The following FARP1 variants were observed in gnomAD, a reference collection of about 807,000 sequenced individuals.
FARP1 encodes the protein FERM, ARHGEF and pleckstrin domain-containing protein 1.
A neutral mutation model predicts 128.8 loss-of-function variants in FARP1; 52 were observed. The observed-to-expected ratio is 0.40, with a 90% CI of 0.32 to 0.51. The LOEUF is 0.51. FARP1 is among the 20% of genes least tolerant of loss of function. The pLI, the probability that FARP1 is intolerant of heterozygous loss-of-function variation, is 0.45. For missense variants in FARP1, 1,333 were observed against 1,367.9 expected (o/e 0.97, Z 0.40); for synonymous variants, 580 against 551.8 (o/e 1.05, Z -0.72).
intron 16 of FARP1, among the ~76,000 whole-genome samples, chr13:98,424,063 C>A (rs1891690278): frequency 6.6e-6 from 1 of 152,172 alleles, no homozygotes; most frequent in African/African-American, 2.4e-5. Context: ...TTATGCATTT[C>A]TCTTCCCAAG....
intron 2 of FARP1, among the ~76,000 whole-genome samples, chr13:98,265,665 G>GAC (rs1282511781): frequency 2.0e-5 from 3 of 152,138 alleles, no homozygotes; most frequent in African/African-American, 4.8e-5. Flanking sequence ...CAGCTGTTTA[G>GAC]ACACACACAC....
intron 16 of FARP1, among the ~76,000 whole-genome samples, chr13:98,421,597 C>T (rs1426902747): frequency 1.3e-5 from 2 of 152,208 alleles, no homozygotes; most frequent in African/African-American, 4.8e-5. Flanking sequence ...GTGGCTCATA[C>T]CTATAATCCC....
At chr13:98,267,720 C>T (rs144256598) in intron 2 of FARP1, among the ~76,000 whole-genome samples, 98 of 152,356 alleles carry the variant, frequency 6.4e-4, no homozygotes, top group African/African-American at 2.2e-3. Flanking sequence ...GGCGCAGCCG[C>T]GGACCTCAGG....
chr13:98,171,057 G>T (rs537271031), intron 1 of FARP1, among the ~76,000 whole-genome samples: 3 of 152,150 alleles, frequency 2.0e-5, no homozygotes, highest in Non-Finnish European at 4.4e-5. Context: ...AATTCTACCA[G>T]CCCTGCCTGG....
At chr13:98,288,857 T>G (rs553673546) in intron 2 of FARP1, among the ~76,000 whole-genome samples, 1 of 152,338 alleles carries the variant, frequency 6.6e-6, no homozygotes, top group East Asian at 1.9e-4. Flanking sequence ...TCACTGCTTT[T>G]TTTCTATTAC....
At position 98,145,234 on chromosome 13, in the gene FARP1, T is replaced by A. The variant is rs534313531; in HGVS notation, c.-24+1742T>A. On this transcript the variant is annotated intron_variant, in intron 1 of 26. Coordinates refer to ENST00000319562, the MANE Select transcript of FARP1 (RefSeq NM_005766.4). ...TGGAAACCCTCGGTGTGGAGGTGGC[T>A]GTGCCTCCTAGGGGCAGATTCTATG... Among the ~76,000 whole-genome samples the A allele has an allele frequency of 3.3e-5, 5 of 152,284 alleles. No individual in the cohort carries two copies. In the East Asian group the frequency reaches 9.7e-4, roughly 29 times the overall value.
chr13:98,284,881 G>C (rs1176913630), intron 2 of FARP1, among the ~76,000 whole-genome samples: 1 of 152,138 alleles, frequency 6.6e-6, no homozygotes, highest in African/African-American at 2.4e-5. Flanking sequence ...CACACTTCTT[G>C]CTAGTTCTCT....
intron 1 of FARP1, among the ~76,000 whole-genome samples, chr13:98,153,537 T>A (rs774699): frequency 0.014 from 308 of 22,738 alleles, 1 homozygote; most frequent in South Asian, 0.11. Context: ...ATATTATATA[T>A]AAATATGTAT....
intron 1 of FARP1, among the ~76,000 whole-genome samples, chr13:98,189,767 C>T (rs1349499449): frequency 6.6e-6 from 1 of 152,116 alleles, no homozygotes; most frequent in Non-Finnish European, 1.5e-5. Context: ...TTTTTATTTT[C>T]AGTTTCCCAG....
intron 3 of FARP1, among the ~76,000 whole-genome samples, chr13:98,344,887 A>G (rs1403683810): frequency 6.6e-6 from 1 of 152,136 alleles, no homozygotes; most frequent in Non-Finnish European, 1.5e-5. Context: ...AGCCCTTTTT[A>G]CAGTGTGGCA....
intron 1 of FARP1, among the ~76,000 whole-genome samples, chr13:98,159,969 C>T (rs972922196): frequency 1.3e-5 from 2 of 152,302 alleles, no homozygotes; most frequent in East Asian, 1.9e-4. Context: ...CATTGTAGTA[C>T]AATTTTGTTT....
intron 2 of FARP1, among the ~76,000 whole-genome samples, chr13:98,306,443 A>G (rs1886159162): frequency 6.6e-6 from 1 of 152,218 alleles, no homozygotes; most frequent in African/African-American, 2.4e-5. Context: ...TTGCTTGAAT[A>G]CAGTTACAAA....
At chr13:98,194,022 A>G (rs897842986) in intron 1 of FARP1, among the ~76,000 whole-genome samples, 12 of 152,178 alleles carry the variant, frequency 7.9e-5, no homozygotes, top group African/African-American at 2.9e-4. Flanking sequence ...ATCATGCTCT[A>G]TAATGCATTC....
chr13:98,146,936 T>C (rs1875612093), intron 1 of FARP1, among the ~76,000 whole-genome samples: 1 of 152,234 alleles, frequency 6.6e-6, no homozygotes, highest in African/African-American at 2.4e-5. Context: ...CCTTTCTCTC[T>C]GTTTCACCCA....
At chr13:98,342,573 G>A (rs1470846743) in intron 2 of FARP1, among the ~76,000 whole-genome samples, 1 of 151,872 alleles carries the variant, frequency 6.6e-6, no homozygotes, top group South Asian at 2.1e-4. Context: ...GGTGGCAGGT[G>A]CCTGTAATCC....
At chr13:98,287,179 G>C (rs1384530017) in intron 2 of FARP1, among the ~76,000 whole-genome samples, 1 of 123,296 alleles carries the variant, frequency 8.1e-6, no homozygotes, top group Non-Finnish European at 1.7e-5. Context: ...ATAGGCATTT[G>C]TCCTTTCCAA....
chr13:98,307,465 G>T (rs1235476746), intron 2 of FARP1, among the ~76,000 whole-genome samples: 1 of 152,072 alleles, frequency 6.6e-6, no homozygotes, highest in African/African-American at 2.4e-5. Flanking sequence ...TGTCTCGTGG[G>T]CTGTGAGCTG....
chr13:98,287,826 G>A (rs1281108718), intron 2 of FARP1, among the ~76,000 whole-genome samples: 18 of 127,736 alleles, frequency 1.4e-4, no homozygotes, highest in African/African-American at 3.2e-4. Flanking sequence ...TTTTTGAGAC[G>A]TAGTCTCGCT....
intron 24 of FARP1, among the ~76,000 whole-genome samples, chr13:98,442,922 C>T (rs1323081636): frequency 1.6e-4 from 25 of 152,246 alleles, no homozygotes; most frequent in African/African-American, 4.3e-4. Context: ...TTTTTACATA[C>T]CTGGAGGCAC....
Sources: gnomAD v4.1 joint callset for allele counts (sites outside exome capture counted in the v4.1 genomes callset) on GRCh38, gnomAD v4.1.1 for gene constraint, MANE v1.5 for transcripts, NCBI Gene and HGNC (gene_info 2026-07-23, HGNC 2026-07-21) for gene names.